The following KCNQ5 variants were observed in gnomAD, a reference collection of about 807,000 sequenced individuals.
KCNQ5 encodes potassium voltage-gated channel subfamily Q member 5, also known as potassium voltage-gated channel subfamily KQT member 5.
Under a neutral mutation model 98.2 loss-of-function variants are expected in KCNQ5, and 30 were observed. That is an observed-to-expected ratio of 0.31 (90% CI 0.23 to 0.41). The LOEUF is 0.41. KCNQ5 is among the 10% of genes least tolerant of loss of function. The probability of loss-of-function intolerance (pLI) is 1.00; values close to 1 mark genes in which losing one functional copy is unlikely to be tolerated. For missense variants in KCNQ5, 835 were observed against 1,182.5 expected, an observed-to-expected ratio of 0.71 and a Z score of 4.31; for synonymous variants, 458 against 449.4, an observed-to-expected ratio of 1.02 and a Z score of -0.24.
At chr6:72,698,631 G>GTTT (rs1443756633) in intron 1 of KCNQ5, among the ~76,000 whole-genome samples, 1 of 116,574 alleles carries the variant, frequency 8.6e-6, no homozygotes, top group African/African-American at 3.5e-5. Context: ...GTAAATCTGT[G>GTTT]TTTTTTTCTT....
At chr6:72,940,714 A>C (rs1426025118) in intron 1 of KCNQ5, among the ~76,000 whole-genome samples, 1 of 152,246 alleles carries the variant, frequency 6.6e-6, no homozygotes, top group Admixed American at 6.5e-5. Flanking sequence ...GTAGCAATTA[A>C]GCACAAGGAT....
At chr6:72,879,517 A>G (rs1778558884) in intron 1 of KCNQ5, among the ~76,000 whole-genome samples, 1 of 152,110 alleles carries the variant, frequency 6.6e-6, no homozygotes, top group East Asian at 1.9e-4. Context: ...TTTACCATGT[A>G]TGTTAATATA....
intron 1 of KCNQ5, among the ~76,000 whole-genome samples, chr6:72,831,507 C>T (rs1239872620): frequency 1.3e-5 from 2 of 149,578 alleles, no homozygotes; most frequent in East Asian, 4.0e-4. Flanking sequence ...CATGTTCTCA[C>T]TCATAGGTGA....
chr6:73,187,491 A>G (rs1336940189), intron 11 of KCNQ5, among the ~76,000 whole-genome samples: 1 of 152,202 alleles, frequency 6.6e-6, no homozygotes, highest in African/African-American at 2.4e-5. Context: ...TCACTATTTA[A>G]TTCTCATACA....
At chr6:72,917,019 G>C (rs2150211987) in intron 1 of KCNQ5, among the ~76,000 whole-genome samples, 1 of 152,204 alleles carries the variant, frequency 6.6e-6, no homozygotes, top group South Asian at 2.1e-4. Context: ...CATATTCCCT[G>C]GCCATGGAGG....
chr6:72,725,637 G>A (rs1023332341), intron 1 of KCNQ5, among the ~76,000 whole-genome samples: 2 of 152,086 alleles, frequency 1.3e-5, no homozygotes, highest in African/African-American at 2.4e-5. Context: ...AAAATGCATT[G>A]TATGTTTCAA....
At chr6:72,655,017 G>A (rs1384372296) in intron 1 of KCNQ5, among the ~76,000 whole-genome samples, 2 of 107,524 alleles carry the variant, frequency 1.9e-5, no homozygotes, top group African/African-American at 1.0e-4. Context: ...TAATAGCCAA[G>A]GTCTGTCTGT....
At position 73,001,415 on chromosome 6, in the gene KCNQ5, T is replaced by C. The variant is rs1207106276; in HGVS notation, c.399-2493T>C. On this transcript the variant is annotated intron_variant, in intron 1 of 13. Transcript: ENST00000370398. ...TTGTAGAAGGCACTGTACCAAAGGC[T>C]ACCAGCTGTACAAGGCTAAATTAAA... 2.0e-5 allele frequency among the ~76,000 whole-genome samples: 3 copies of C among 152,228 alleles called. No homozygotes were observed. In the East Asian group the frequency reaches 5.8e-4, roughly 29 times the overall value.
At chr6:72,665,161 A>G (rs373046827) in intron 1 of KCNQ5, among the ~76,000 whole-genome samples, 1 of 152,134 alleles carries the variant, frequency 6.6e-6, no homozygotes, top group Admixed American at 6.5e-5. Flanking sequence ...CAGCCTGGCC[A>G]ACGTGGTGAA....
At chr6:73,066,061 G>A (rs183235432) in intron 3 of KCNQ5, among the ~76,000 whole-genome samples, 6 of 152,286 alleles carry the variant, frequency 3.9e-5, no homozygotes, top group East Asian at 1.9e-4. Context: ...CAGGAAAATC[G>A]CTTGAACCCG....
intron 1 of KCNQ5, among the ~76,000 whole-genome samples, chr6:72,948,318 T>C (rs1486112489): frequency 6.6e-6 from 1 of 152,004 alleles, no homozygotes; most frequent in Non-Finnish European, 1.5e-5. Context: ...AACTGACCTG[T>C]CGTTACCATA....
chr6:73,061,883 C>A (rs1011656613), intron 3 of KCNQ5, among the ~76,000 whole-genome samples: 2 of 152,066 alleles, frequency 1.3e-5, no homozygotes, highest in Non-Finnish European at 2.9e-5. Context: ...TCTAATCAAT[C>A]CTAGAATCGA....
intron 10 of KCNQ5, among the ~76,000 whole-genome samples, chr6:73,158,712 T>C (rs965439190): frequency 1.3e-5 from 2 of 152,210 alleles, no homozygotes; most frequent in Non-Finnish European, 2.9e-5. Context: ...CATGCACTAG[T>C]ACAGCTAATT....
chr6:72,732,330 T>G (rs1235275767), intron 1 of KCNQ5, among the ~76,000 whole-genome samples: 1 of 146,566 alleles, frequency 6.8e-6, no homozygotes, highest in East Asian at 2.0e-4. Flanking sequence ...GGAGGGGAGG[T>G]GGAAATTGCA....
intron 1 of KCNQ5, among the ~76,000 whole-genome samples, chr6:72,908,588 G>C (rs1779795481): frequency 6.6e-6 from 1 of 152,018 alleles, no homozygotes. Context: ...ATTTAACTAT[G>C]TCTCCAGAGA....
At chr6:72,702,910 A>G (rs973498053) in intron 1 of KCNQ5, among the ~76,000 whole-genome samples, 2 of 152,050 alleles carry the variant, frequency 1.3e-5, no homozygotes, top group Non-Finnish European at 2.9e-5. Context: ...GACTTTACTA[A>G]TCTTTATCTT....
intron 1 of KCNQ5, among the ~76,000 whole-genome samples, chr6:72,990,308 T>G (rs1176275781): frequency 1.5e-5 from 1 of 68,056 alleles, no homozygotes; most frequent in African/African-American, 6.2e-5. Flanking sequence ...GTTCTTCCAT[T>G]TGTTTGTGTC....
chr6:72,938,176 C>T (rs1017904774), intron 1 of KCNQ5, among the ~76,000 whole-genome samples: 2 of 152,056 alleles, frequency 1.3e-5, no homozygotes, highest in Admixed American at 1.3e-4. Context: ...ATTTAATAAA[C>T]TAAAGCATTT....
intron 3 of KCNQ5, among the ~76,000 whole-genome samples, chr6:73,066,078 G>A (rs1333235053): frequency 1.3e-5 from 2 of 152,150 alleles, no homozygotes; most frequent in Admixed American, 6.5e-5. Context: ...CCCGAGAGGC[G>A]GAGGTTGCAG....
Sources: gnomAD v4.1 joint callset for allele counts (sites outside exome capture counted in the v4.1 genomes callset) on GRCh38, gnomAD v4.1.1 for gene constraint, MANE v1.5 for transcripts, NCBI Gene and HGNC (gene_info 2026-07-23, HGNC 2026-07-21) for gene names.